Variants in FAM117A observed in about 807,000 individuals in gnomAD.
FAM117A encodes protein FAM117A.
FAM117A carries 21 observed loss-of-function variants against 44.1 expected under a neutral mutation model. That is an observed-to-expected ratio of 0.48 (90% CI 0.34 to 0.69). The LOEUF (loss-of-function observed/expected upper bound fraction) is 0.69, where lower values mean the gene tolerates loss of function less well. Among genes scored for constraint, FAM117A ranks in the 30% least tolerant of loss-of-function variants. FAM117A has a pLI of 0.01. For missense variants in FAM117A, 498 were observed against 589.9 expected (o/e 0.84, Z 1.61); for synonymous variants, 220 against 238.3 (o/e 0.92, Z 0.71).
chr17:49,759,818 C>A (rs911500118), intron 1 of FAM117A, among the ~76,000 whole-genome samples: 3 of 152,152 alleles, frequency 2.0e-5, no homozygotes, highest in African/African-American at 7.2e-5. Context: ...GGAACCTAAT[C>A]GACATTTGAT....
At chr17:49,746,506 T>G (rs1318733403) in intron 1 of FAM117A, among the ~76,000 whole-genome samples, 1 of 152,148 alleles carries the variant, frequency 6.6e-6, no homozygotes, top group Non-Finnish European at 1.5e-5. Flanking sequence ...TCACAAGATG[T>G]AAGTTAATGC....
At chr17:49,744,058 G>A (rs776656421) in intron 1 of FAM117A, among the ~76,000 whole-genome samples, 1 of 152,162 alleles carries the variant, frequency 6.6e-6, no homozygotes, top group Non-Finnish European at 1.5e-5. Context: ...TCTGCTTTAT[G>A]AACAAACCAT....
intron 5 of FAM117A, chr17:49,719,507 G>A: frequency 2.8e-6 from 1 of 362,338 alleles, no homozygotes; most frequent in Non-Finnish European, 4.9e-6. Context: ...TCCCAGCGGG[G>A]GGGCCTCCTC....
At chr17:49,741,438 A>T (rs759054225) in intron 1 of FAM117A, among the ~76,000 whole-genome samples, 1 of 152,274 alleles carries the variant, frequency 6.6e-6, no homozygotes, top group Non-Finnish European at 1.5e-5. Flanking sequence ...TTGCTCACCA[A>T]TCCTGATCTC....
Position 49,763,907 on chromosome 17 carries a change from C to G in FAM117A, c.181G>C (p.Gly61Arg). ...QLQQPHQRRD[G>R]GGRAASVPCS... ...CCCGGCTCACCTGCACGGCCACCCC[C>G]GTCCCGGCGCTGGTGCGGCTGCTGC... is the stretch of plus-strand genomic sequence containing the variant. The change falls in exon 1 of 8, where the codon GGG becomes CGG. Residue 61 changes from glycine to arginine, a missense_variant. Physicochemically the swap from Gly to Arg is moderately radical, Grantham distance 125. Coordinates refer to ENST00000240364, the MANE Select transcript of FAM117A (RefSeq NM_030802.4). The G allele has an allele frequency of 1.6e-6, 2 of 1,236,492 alleles. No homozygotes were observed. 76.6% of individuals were successfully genotyped at this position (1,236,492 alleles called of 1,614,324 possible).
chr17:49,788,826 C>G (rs1267234048), upstream of FAM117A: 1 of 1,584,536 alleles, frequency 6.3e-7, no homozygotes, highest in South Asian at 1.1e-5. Context: ...CGGGCCGCAG[C>G]CGCCGGCAAT....
At chr17:49,745,427 A>C (rs888634905) in intron 1 of FAM117A, among the ~76,000 whole-genome samples, 2 of 152,226 alleles carry the variant, frequency 1.3e-5, no homozygotes, top group African/African-American at 4.8e-5. Flanking sequence ...ATATAATCCC[A>C]AAGTATTATC....
chr17:49,719,703 G>A (rs968512407), intron 5 of FAM117A, 57 bp downstream of exon 5: 25 of 1,481,418 alleles, frequency 1.7e-5, no homozygotes, highest in Admixed American at 2.5e-5. Context: ...AGTTCCCCTC[G>A]CCCAGGCCAA....
At chr17:49,776,968 C>A (rs1014167190) in intron 1 of FAM117A, among the ~76,000 whole-genome samples, 10 of 152,242 alleles carry the variant, frequency 6.6e-5, no homozygotes, top group African/African-American at 2.4e-4. Flanking sequence ...CACTCCTTGA[C>A]TCTGTCTCCC....
chr17:49,758,993 A>G (rs138735532), intron 1 of FAM117A, among the ~76,000 whole-genome samples: 1,579 of 152,352 alleles, frequency 0.01, 25 homozygotes, highest in East Asian at 0.08. Context: ...CTTGGCTATT[A>G]AAGCCCACCA....
intron 1 of FAM117A, among the ~76,000 whole-genome samples, chr17:49,735,528 T>A (rs2073607196): frequency 6.6e-6 from 1 of 152,240 alleles, no homozygotes; most frequent in Non-Finnish European, 1.5e-5. Flanking sequence ...CATATACCTT[T>A]TCCCATGTAT....
chr17:49,742,443 T>C (rs1175409931), intron 1 of FAM117A, among the ~76,000 whole-genome samples: 4 of 152,360 alleles, frequency 2.6e-5, no homozygotes, highest in African/African-American at 9.6e-5. Context: ...AGCAGTTACT[T>C]AGACATTTGT....
intron 1 of FAM117A, 90 bp from the exon 2 acceptor site, chr17:49,732,810 C>T (rs1438958996): frequency 1.8e-5 from 25 of 1,375,314 alleles, no homozygotes; most frequent in South Asian, 1.0e-4. Flanking sequence ...ATGTGGCCTG[C>T]CTGCCCCGTC....
chr17:49,717,788 T>A, intron 5 of FAM117A, 74 bp from the exon 6 acceptor site: 2 of 1,225,790 alleles, frequency 1.6e-6, no homozygotes, highest in Non-Finnish European at 2.3e-6. Flanking sequence ...ACCCCAAGGG[T>A]ATTTCCCTTG....
intron 1 of FAM117A, among the ~76,000 whole-genome samples, chr17:49,761,018 A>G (rs1212788815): frequency 6.6e-6 from 1 of 152,206 alleles, no homozygotes; most frequent in Non-Finnish European, 1.5e-5. Flanking sequence ...CTTATGATGA[A>G]TGGTTGCAGA....
In FAM117A at chr17:49,716,244, G is replaced by A; in HGVS notation, c.982C>T (p.Pro328Ser). The change falls in exon 7 of 8, where the codon CCT (proline) becomes TCT (serine). Residue 328 changes from proline to serine, a missense_variant. By Grantham distance (74) the Pro-to-Ser change is moderately conservative. Coordinates refer to ENST00000240364, the MANE Select transcript of FAM117A (RefSeq NM_030802.4). ...AAGATGTAGCTATGATTAGGTCGAG[G>A]GGAGGCAGCAAAGGCAAGGACTGGA... ...PSPVLAFAASPRPNHSYIFKR... is the reference protein window; with the variant it reads ...PSPVLAFAASSRPNHSYIFKR... 1 of 1,613,288 alleles carries A rather than the reference G, an allele frequency of 6.2e-7. No individual in the cohort carries two copies. The highest frequency in any genetic ancestry group is 8.5e-7 in the Non-Finnish European group (1 of 1,179,612).
At chr17:49,717,045 A>C (rs2073507676) in intron 6 of FAM117A, among the ~76,000 whole-genome samples, 1 of 152,122 alleles carries the variant, frequency 6.6e-6, no homozygotes, top group South Asian at 2.1e-4. Context: ...TAGCTAGGGC[A>C]TTGTAGAAAA....
intron 2 of FAM117A, among the ~76,000 whole-genome samples, chr17:49,727,923 C>G (rs185185012): frequency 1.3e-5 from 2 of 152,210 alleles, no homozygotes; most frequent in Non-Finnish European, 2.9e-5. Context: ...CTGGTGTGGA[C>G]CGTCAGGACC....
At chr17:49,788,474 C>T in intron 1 of FAM117A, 1 of 263,730 alleles carries the variant, frequency 3.8e-6, no homozygotes, top group South Asian at 1.1e-4. Context: ...TGGCTACCCA[C>T]GCCCACAAAC....
Sources: gnomAD v4.1 joint callset for allele counts (sites outside exome capture counted in the v4.1 genomes callset) on GRCh38, gnomAD v4.1.1 for gene constraint, MANE v1.5 for transcripts, NCBI Gene and HGNC (gene_info 2026-07-23, HGNC 2026-07-21) for gene names.